Variants in PPP2R5D observed in about 807,000 individuals in gnomAD.
The protein encoded by PPP2R5D is protein phosphatase 2 regulatory subunit B'delta, also known as serine/threonine-protein phosphatase 2A 56 kDa regulatory subunit delta isoform.
Under a neutral mutation model 79.1 loss-of-function variants are expected in PPP2R5D, and 12 were observed. The observed-to-expected ratio is 0.15, with a 90% confidence interval of 0.10 to 0.25. The LOEUF (loss-of-function observed/expected upper bound fraction) is 0.25, where lower values mean the gene tolerates loss of function less well. PPP2R5D is among the 10% of genes least tolerant of loss of function. The probability of loss-of-function intolerance (pLI) is 1.00; values close to 1 mark genes in which losing one functional copy is unlikely to be tolerated. For synonymous variants in PPP2R5D, 277 were observed against 286.6 expected (o/e 0.97, Z 0.34); for missense variants, 419 against 760.2 (o/e 0.55, Z 5.28).
At chr6:43,000,209 C>T (rs1271738040) in intron 2 of PPP2R5D, among the ~76,000 whole-genome samples, 1 of 146,864 alleles carries the variant, frequency 6.8e-6, no homozygotes, top group African/African-American at 2.6e-5. Context: ...GCTGGGATTA[C>T]AGGCGTGAGC....
rs1011357396 is a variant in PPP2R5D at position 43,008,826 on chromosome 6, A to G, written c.1080+80A>G. ...AGTCTGTACCTACTGGGGGTGCCAT[A>G]AGGGGGAACTCAGGAGGGCTGTGAC... On this transcript the variant is annotated intron_variant, in intron 10 of 15. Coordinates refer to ENST00000485511, the MANE Select transcript of PPP2R5D (RefSeq NM_006245.4). This position sits in a 1 kb window ranked among gnomAD's most constrained non-coding sequence, Gnocchi z 4.2. 9.4e-6 allele frequency: 14 copies of G among 1,496,388 alleles called. No individual in the cohort carries two copies. The African/African-American group carries it at 1.9e-4, about 21-fold the overall frequency. 92.7% of individuals were successfully genotyped at this position (1,496,388 alleles called of 1,614,324 possible). A position where few individuals can be genotyped will look rare whatever the true frequency, so the allele number is the denominator to read the frequency against.
At position 43,008,471 on chromosome 6, in the gene PPP2R5D, C is replaced by T. The variant is rs1762200226; in HGVS notation, c.1022C>T (p.Pro341Leu). The T allele has an allele frequency of 6.2e-7, 1 of 1,606,244 alleles. No individual in the cohort carries two copies. Among genetic ancestry groups the T allele is most frequent in the Non-Finnish European group, 8.5e-7 (1 of 1,172,890 alleles). The change falls in exon 9 of 16, where the codon CCT (proline) becomes CTT (leucine). Residue 341 changes from proline (P) to leucine (L), a missense_variant. Physicochemically the swap from Pro to Leu is moderately conservative, Grantham distance 98. Coordinates refer to ENST00000485511, the MANE Select transcript of PPP2R5D (RefSeq NM_006245.4). The surrounding 1 kb of genome is among the most constrained non-coding windows in gnomAD (Gnocchi z 4.2). ...GTCAAGTCCCTGAGTGTCTACCACC[C>T]TCAGGTGAGCTGCCTTCCTCCTTAT... ...HKVKSLSVYH[P>L]QLAYCVVQFL...
In PPP2R5D at chr6:43,007,872, C is replaced by T. The variant is rs1025315840; in HGVS notation, c.727-63C>T. Reference sequence around the variant, plus strand: ...ATTTCCCCTGGCGGGACCTATGTCACCCTGGCCACTGCCTTCCCTGGCTGC... The same window carrying T: ...ATTTCCCCTGGCGGGACCTATGTCATCCTGGCCACTGCCTTCCCTGGCTGC... On this transcript the variant is annotated intron_variant, in intron 6 of 15. Transcript: ENST00000485511. This position sits in a 1 kb window ranked among gnomAD's most constrained non-coding sequence, Gnocchi z 4.5. The T allele has an allele frequency of 6.2e-7, 1 of 1,603,216 alleles. No individual in the cohort carries two copies. Among genetic ancestry groups the T allele is most frequent in the Non-Finnish European group, 8.5e-7 (1 of 1,171,772 alleles).
chr6:43,008,515 C>A lies in PPP2R5D; in HGVS notation c.1026+40C>A, dbSNP rs1187255917. 6.4e-7 allele frequency: 1 copy of A among 1,559,966 alleles called. No homozygotes were observed. On this transcript the variant is annotated intron_variant, in intron 9 of 15. Coordinates refer to ENST00000485511, the MANE Select transcript of PPP2R5D (RefSeq NM_006245.4). The surrounding 1 kb of genome is among the most constrained non-coding windows in gnomAD (Gnocchi z 4.2). The stretch of plus-strand genomic sequence containing the variant: ...TCCTTATAATGTCCAACTCAGGCAG[C>A]AGAGAAAAGAGCCGGCAGGAAAGTG...
chr6:42,987,094 T>A (rs1770910159), intron 1 of PPP2R5D, among the ~76,000 whole-genome samples: 1 of 152,186 alleles, frequency 6.6e-6, no homozygotes, highest in African/African-American at 2.4e-5. Context: ...AAAGCCTTTC[T>A]GAGCCCTCAG....
intron 2 of PPP2R5D, among the ~76,000 whole-genome samples, chr6:43,005,141 CTTTTTTT>C (rs762415952): frequency 8.3e-6 from 1 of 120,056 alleles, no homozygotes; most frequent in Admixed American, 8.6e-5. Flanking sequence ...GTGCACAAAG[CTTTTTTT>C]TTTTTTTTTC....
rs200876400 is a variant in PPP2R5D at position 43,008,075 on chromosome 6, G to A, written c.857+10G>A. On this transcript the variant is annotated intron_variant, in intron 7 of 15. Transcript: ENST00000485511. The surrounding 1 kb of genome is among the most constrained non-coding windows in gnomAD (Gnocchi z 4.2). ...ACCACATCTTCTACAGGTGAGGCCAGGAGCCCAGGCTTAGGAGCAAAACCT... is the reference window on the plus strand; with the variant it reads ...ACCACATCTTCTACAGGTGAGGCCAAGAGCCCAGGCTTAGGAGCAAAACCT... 57 of 1,614,204 alleles carry A rather than the reference G, an allele frequency of 3.5e-5. No homozygotes were observed. The East Asian group carries it at 1.2e-3, about 35-fold the overall frequency.
Position 43,008,829 on chromosome 6 carries a change from G to C in PPP2R5D, c.1080+83G>C. Reference sequence around the variant, plus strand: ...CTGTACCTACTGGGGGTGCCATAAGGGGGAACTCAGGAGGGCTGTGACCTG... The same window carrying C: ...CTGTACCTACTGGGGGTGCCATAAGCGGGAACTCAGGAGGGCTGTGACCTG... On this transcript the variant is annotated intron_variant, in intron 10 of 15. Coordinates refer to ENST00000485511, the MANE Select transcript of PPP2R5D (RefSeq NM_006245.4). The surrounding 1 kb of genome is among the most constrained non-coding windows in gnomAD (Gnocchi z 4.2). The C allele has an allele frequency of 6.7e-7, 1 of 1,482,370 alleles. No individual in the cohort carries two copies. The highest frequency in any genetic ancestry group is 1.8e-4 in the Middle Eastern group (1 of 5,612). The allele number at this position is 1,482,370 out of a possible 1,614,324, so 91.8% of individuals were successfully genotyped here.
Position 43,010,668 on chromosome 6 carries a change from C to T in PPP2R5D, c.1486C>T (p.Arg496Trp), listed in dbSNP as rs772904155. ...AATCCTACTTTTGCTCCTCAGGGGC[C>T]GGTTCCGAATGAAGGAAAGGGAAGA... Reference protein sequence around the residue: ...QQYKAEKQKGRFRMKEREEMW... With the variant: ...QQYKAEKQKGWFRMKEREEMW... The change falls in exon 14 of 16, where the codon CGG becomes TGG. Residue 496 changes from arginine to tryptophan, a missense_variant. By Grantham distance (101) the Arg-to-Trp change is moderately radical. Transcript: ENST00000485511. This position sits in a 1 kb window ranked among gnomAD's most constrained non-coding sequence, Gnocchi z 4.7. The T allele has an allele frequency of 3.1e-6, 5 of 1,614,012 alleles. No homozygotes were observed. Among genetic ancestry groups the T allele is most frequent in the Middle Eastern group, 1.6e-4 (1 of 6,062 alleles).
At position 43,011,660 on chromosome 6, in the gene PPP2R5D, C is replaced by T. The variant is rs1762355077; in HGVS notation, c.*374C>T. On this transcript the variant is annotated 3_prime_UTR_variant, in exon 16 of 16. Coordinates refer to ENST00000485511, the MANE Select transcript of PPP2R5D (RefSeq NM_006245.4). The stretch of plus-strand genomic sequence containing the variant: ...CCTCATTTGAACGCCAGGTATCTCC[C>T]CTCCTCTCTCTCCCCTGCAGAGGCA... 2 of 246,396 alleles carry T rather than the reference C, an allele frequency of 8.1e-6. No homozygotes were observed. The highest frequency in any genetic ancestry group is 1.2e-4 in the South Asian group (2 of 17,140). 15.3% of individuals were successfully genotyped at this position (246,396 alleles called of 1,614,324 possible).
In PPP2R5D at chr6:42,989,778, G is replaced by A. The variant is rs559334546; in HGVS notation, c.105+90G>A. The stretch of plus-strand genomic sequence containing the variant: ...TTGGGTAGGGGATCCCAGGGGGTGA[G>A]GCAGAAGGGAAGGCTTCCATATCCT... On this transcript the variant is annotated intron_variant, in intron 2 of 15. Transcript: ENST00000485511. 38 of 1,291,978 alleles carry A rather than the reference G, an allele frequency of 2.9e-5. No individual in the cohort carries two copies. In the East Asian group the frequency reaches 8.9e-4, roughly 30 times the overall value. The allele number at this position is 1,291,978 out of a possible 1,614,324, so 80.0% of individuals were successfully genotyped here.
chr6:43,008,884 G>A lies in PPP2R5D; in HGVS notation c.1080+138G>A. On this transcript the variant is annotated intron_variant, in intron 10 of 15. Coordinates refer to ENST00000485511, the MANE Select transcript of PPP2R5D (RefSeq NM_006245.4). This position sits in a 1 kb window ranked among gnomAD's most constrained non-coding sequence, Gnocchi z 4.2. ...GTAACATGGTTTCCTCTCTGAAGGG[G>A]AAGCAAAACCTATATACACCTAGGA... 1 of 1,275,654 alleles carries A rather than the reference G, an allele frequency of 7.8e-7. No homozygotes were observed. The highest frequency in any genetic ancestry group is 1.5e-5 in the African/African-American group (1 of 67,186). The allele number at this position is 1,275,654 out of a possible 1,614,324, so 79.0% of individuals were successfully genotyped here.
At chr6:42,992,776 C>T (rs999583152) in intron 2 of PPP2R5D, among the ~76,000 whole-genome samples, 1 of 151,940 alleles carries the variant, frequency 6.6e-6, no homozygotes, top group African/African-American at 2.4e-5. Context: ...GGGCCATGAT[C>T]GTACCACTGC....
chr6:42,997,835 C>T (rs1771814531), intron 2 of PPP2R5D, among the ~76,000 whole-genome samples: 1 of 151,032 alleles, frequency 6.6e-6, no homozygotes, highest in South Asian at 2.1e-4. Context: ...GGTGAGCCAC[C>T]ATGCCCAGCC....
At chr6:43,005,878 T>C (rs1232030960) in intron 2 of PPP2R5D, among the ~76,000 whole-genome samples, 1 of 152,140 alleles carries the variant, frequency 6.6e-6, no homozygotes, top group Non-Finnish European at 1.5e-5. Context: ...CTCCTCGGCC[T>C]CCCAAAGTGC....
At chr6:42,999,090 G>A (rs1055460700) in intron 2 of PPP2R5D, among the ~76,000 whole-genome samples, 1 of 152,184 alleles carries the variant, frequency 6.6e-6, no homozygotes, top group Non-Finnish European at 1.5e-5. Flanking sequence ...AAAGTAGCGA[G>A]TAGAGGACAG....
chr6:43,002,658 C>T (rs955718835), intron 2 of PPP2R5D, among the ~76,000 whole-genome samples: 5 of 152,186 alleles, frequency 3.3e-5, no homozygotes, highest in African/African-American at 1.2e-4. Context: ...GACCCACAGG[C>T]TGGACCCGGT....
chr6:43,002,166 CTT>C (rs775043995), intron 2 of PPP2R5D, among the ~76,000 whole-genome samples: 38 of 140,632 alleles, frequency 2.7e-4, no homozygotes, highest in African/African-American at 2.3e-4. Context: ...TTTGGTTGTT[CTT>C]TTTTTTTTTT....
At position 43,006,555 on chromosome 6, in the gene PPP2R5D, C is replaced by T. The variant is rs146145609; in HGVS notation, c.198C>T (p.Pro66=). Residue 66 remains proline (P), a synonymous_variant, in exon 3 of 16, where the codon CCC becomes CCT. Coordinates refer to ENST00000485511, the MANE Select transcript of PPP2R5D (RefSeq NM_006245.4). The surrounding 1 kb of genome is among the most constrained non-coding windows in gnomAD (Gnocchi z 4.7). ...NKRPSNSTPP[P]TQLSKIKYSG... is the part of the protein sequence containing the mutation. ...GTCCCAGCAATAGCACGCCGCCCCC[C>T]ACGCAGCTCAGCAAAATCAAGTACT... The T allele has an allele frequency of 2.3e-4, 371 of 1,614,056 alleles. No individual in the cohort carries two copies. The highest frequency in any genetic ancestry group is 3.1e-4 in the Non-Finnish European group (366 of 1,180,050).
Sources: gnomAD v4.1 joint callset for allele counts (sites outside exome capture counted in the v4.1 genomes callset) on GRCh38, gnomAD v4.1.1 for gene constraint, Gnocchi (gnomAD v3.1) non-coding constraint, MANE v1.5 for transcripts, NCBI Gene and HGNC (gene_info 2026-07-23, HGNC 2026-07-21) for gene names.